Variants in MRTFB observed in about 807,000 individuals in gnomAD.
MRTFB encodes the protein myocardin related transcription factor B, also known as myocardin-related transcription factor B.
In MRTFB, 29 loss-of-function variants were observed where a neutral mutation model predicts 104.2. The observed-to-expected ratio is 0.28, with a 90% confidence interval of 0.21 to 0.38. The LOEUF is 0.38. Among genes scored for constraint, MRTFB ranks in the 10% least tolerant of loss-of-function variants. The pLI is 1.00. For missense variants in MRTFB, 1,270 were observed against 1,341.6 expected (o/e 0.95, Z 0.83); for synonymous variants, 535 against 519.5 (o/e 1.03, Z -0.41).
At chr16:14,069,633 T>C (rs1053320778), upstream of MRTFB, among the ~76,000 whole-genome samples, 2 of 152,188 alleles carry the variant, frequency 1.3e-5, no homozygotes, top group Non-Finnish European at 2.9e-5. Flanking sequence ...TCCAGGCATG[T>C]GCCACCATGC....
At chr16:14,030,115 A>G in the MRTFB span, among the ~76,000 whole-genome samples, 5 of 152,202 alleles carry the variant, frequency 3.3e-5, no homozygotes, top group East Asian at 5.8e-4. Flanking sequence ...CTGTCTTCGC[A>G]GGGCCTGTGG....
chr16:14,071,023 G>T (rs1365791939), upstream of MRTFB, among the ~76,000 whole-genome samples: 2 of 152,198 alleles, frequency 1.3e-5, no homozygotes, highest in East Asian at 3.9e-4. Flanking sequence ...TGTCGCCACC[G>T]TCCAAGCCTT....
chr16:14,234,371 C>T, intron 9 of MRTFB, 88 bp downstream of exon 9: 1 of 1,449,032 alleles, frequency 6.9e-7, no homozygotes. Context: ...GGCATTTATC[C>T]AACTTGCTCA....
At chr16:14,041,183 T>G in the MRTFB span, among the ~76,000 whole-genome samples, 3 of 152,126 alleles carry the variant, frequency 2.0e-5, no homozygotes. Context: ...GGGAGGATTT[T>G]AAATTGTGGT....
At chr16:14,166,217 C>T (rs72785414) in intron 3 of MRTFB, among the ~76,000 whole-genome samples, 5,262 of 112,088 alleles carry the variant, frequency 0.047, 307 homozygotes, top group African/African-American at 0.13. Flanking sequence ...GTTTTCTTTT[C>T]TTTTTTTTTT....
At chr16:14,201,537 TACTA>T (rs1205862110) in intron 3 of MRTFB, among the ~76,000 whole-genome samples, 4 of 152,210 alleles carry the variant, frequency 2.6e-5, no homozygotes, top group African/African-American at 9.6e-5. Context: ...GGGCCAGTGG[TACTA>T]ACTACTTTAT....
chr16:14,119,115 G>A (rs2036703512), intron 2 of MRTFB, among the ~76,000 whole-genome samples: 1 of 152,162 alleles, frequency 6.6e-6, no homozygotes, highest in Non-Finnish European at 1.5e-5. Context: ...TTAATTGAAT[G>A]AAGAACAGTT....
At chr16:14,010,111 T>A in the MRTFB span, among the ~76,000 whole-genome samples, 1 of 151,660 alleles carries the variant, frequency 6.6e-6, no homozygotes, top group Admixed American at 6.6e-5. Flanking sequence ...TGAAGGAGGG[T>A]GTGTTTGAGC....
In MRTFB at chr16:14,155,684, G is replaced by A. The variant is rs539924987; in HGVS notation, c.154+14924G>A. Among the ~76,000 whole-genome samples the A allele has an allele frequency of 1.3e-4, 20 of 152,236 alleles. No homozygotes were observed. The East Asian group carries it at 3.9e-3, about 29-fold the overall frequency. On this transcript the variant is annotated intron_variant, in intron 3 of 16. Transcript: ENST00000571589. ...TCGTGCCAGGGAGACTCCCCTTAAA[G>A]GTATCTCTGCTGCATGCCCTGCTAA...
At chr16:14,113,337 C>A (rs963837217) in intron 2 of MRTFB, among the ~76,000 whole-genome samples, 5 of 152,248 alleles carry the variant, frequency 3.3e-5, no homozygotes, top group Non-Finnish European at 7.3e-5. Context: ...AGCCACCACG[C>A]CCAGCCTATG....
intron 12 of MRTFB, 58 bp downstream of exon 12, chr16:14,247,565 G>C: frequency 6.9e-7 from 1 of 1,453,180 alleles, no homozygotes; most frequent in Non-Finnish European, 9.2e-7. Context: ...TGCAAACCCT[G>C]CTAAGGAAGG....
intron 3 of MRTFB, among the ~76,000 whole-genome samples, chr16:14,175,583 C>G (rs1201813339): frequency 6.6e-6 from 1 of 152,140 alleles, no homozygotes; most frequent in African/African-American, 2.4e-5. Context: ...CCTTTAAAAA[C>G]TAAGCATACA....
chr16:14,076,531 TTGTTTAGC>T (rs1449867633), intron 1 of MRTFB, among the ~76,000 whole-genome samples: 1 of 152,214 alleles, frequency 6.6e-6, no homozygotes, highest in Non-Finnish European at 1.5e-5. Flanking sequence ...AAAATATACA[TTGTTTAGC>T]TGTTTAGCCT....
chr16:14,150,206 G>A (rs973142228), intron 3 of MRTFB, among the ~76,000 whole-genome samples: 1 of 152,172 alleles, frequency 6.6e-6, no homozygotes, highest in African/African-American at 2.4e-5. Context: ...TCTGCAAAGT[G>A]GGGATCACAC....
the MRTFB span, among the ~76,000 whole-genome samples, chr16:14,008,362 A>G: frequency 6.6e-6 from 1 of 152,164 alleles, no homozygotes; most frequent in East Asian, 1.9e-4. Flanking sequence ...TCTTTGATCC[A>G]TTTTGAATTA....
chr16:14,181,719 A>C (rs752969617), intron 3 of MRTFB, among the ~76,000 whole-genome samples: 16 of 152,244 alleles, frequency 1.1e-4, no homozygotes, highest in Non-Finnish European at 2.1e-4. Context: ...GAAGTATAGT[A>C]TCATCACAGC....
At chr16:14,143,059 C>T (rs2032323054) in intron 3 of MRTFB, 2 of 152,102 alleles carry the variant, frequency 1.3e-5, no homozygotes, top group South Asian at 4.2e-4. Flanking sequence ...CCCTGTGCAT[C>T]ATCCATCTAG....
the MRTFB span, among the ~76,000 whole-genome samples, chr16:14,027,185 C>T: frequency 3.9e-5 from 6 of 152,118 alleles, no homozygotes; most frequent in Non-Finnish European, 8.8e-5. Flanking sequence ...AAGCCAACTG[C>T]TACTCAGCCA....
intron 2 of MRTFB, among the ~76,000 whole-genome samples, chr16:14,087,913 G>A (rs1453674489): frequency 6.6e-6 from 1 of 152,178 alleles, no homozygotes; most frequent in Non-Finnish European, 1.5e-5. Context: ...CTAATAGTAA[G>A]TGTTTCTCTT....
Sources: gnomAD v4.1 joint callset for allele counts (sites outside exome capture counted in the v4.1 genomes callset) on GRCh38, gnomAD v4.1.1 for gene constraint, MANE v1.5 for transcripts, NCBI Gene and HGNC (gene_info 2026-07-23, HGNC 2026-07-21) for gene names.